CELF2: variants seen among roughly 807,000 people sequenced by gnomAD.
The protein encoded by CELF2 is CUGBP Elav-like family member 2.
Under a neutral mutation model 62.6 loss-of-function variants are expected in CELF2, and 8 were observed. That is an observed-to-expected ratio of 0.13 (90% CI 0.07 to 0.23). The LOEUF (loss-of-function observed/expected upper bound fraction) is 0.23, where lower values mean the gene tolerates loss of function less well. CELF2 is among the 10% of genes least tolerant of loss of function. The pLI, the probability that CELF2 is intolerant of heterozygous loss-of-function variation, is 1.00. For missense variants in CELF2, 333 were observed against 671.0 expected, an observed-to-expected ratio of 0.50 and a Z score of 5.56; for synonymous variants, 258 against 250.0, an observed-to-expected ratio of 1.03 and a Z score of -0.30.
the CELF2 span, among the ~76,000 whole-genome samples, chr10:10,475,562 C>T: frequency 1.9e-3 from 288 of 151,790 alleles, 3 homozygotes; most frequent in African/African-American, 6.6e-3. Context: ...TATTCAATTA[C>T]ATAATTTGAG....
chr10:10,751,650 A>G, the CELF2 span, among the ~76,000 whole-genome samples: 1 of 152,184 alleles, frequency 6.6e-6, no homozygotes, highest in Admixed American at 6.5e-5. Flanking sequence ...TGTAAATTCC[A>G]TGACTAAGCT....
At chr10:10,496,909 G>A in the CELF2 span, among the ~76,000 whole-genome samples, 2 of 152,128 alleles carry the variant, frequency 1.3e-5, no homozygotes, top group Non-Finnish European at 2.9e-5. Context: ...AAGATGACCA[G>A]CTAGGCAAAG....
chr10:10,475,476 C>CAAAAAAA, the CELF2 span, among the ~76,000 whole-genome samples: 1 of 143,562 alleles, frequency 7.0e-6, no homozygotes, highest in Non-Finnish European at 1.5e-5. Flanking sequence ...CTTGGCCACT[C>CAAAAAAA]AAAAAAAAAA....
chr10:11,188,023 C>T (rs1488871353), intron 2 of CELF2, among the ~76,000 whole-genome samples: 5 of 152,176 alleles, frequency 3.3e-5, no homozygotes, highest in Non-Finnish European at 7.4e-5. Context: ...GGCAGCCAAT[C>T]ATCTGGTGGT....
intron 1 of CELF2, among the ~76,000 whole-genome samples, chr10:10,909,291 G>A (rs778594497): frequency 3.9e-5 from 6 of 152,188 alleles, no homozygotes; most frequent in Non-Finnish European, 8.8e-5. Flanking sequence ...GGCAAGAGAG[G>A]CTGTGTCCTT....
intron 1 of CELF2, among the ~76,000 whole-genome samples, chr10:10,810,172 G>T (rs917919811): frequency 5.3e-5 from 8 of 152,168 alleles, no homozygotes; most frequent in African/African-American, 1.9e-4. Context: ...AGAAACCTAT[G>T]GCTTTCATTT....
the CELF2 span, among the ~76,000 whole-genome samples, chr10:10,558,284 T>A: frequency 1.3e-5 from 2 of 151,982 alleles, no homozygotes; most frequent in South Asian, 4.1e-4. Flanking sequence ...CTGCATCTAT[T>A]GAGATAATCA....
At chr10:11,210,020 T>A (rs1175887504) in intron 2 of CELF2, among the ~76,000 whole-genome samples, 1 of 152,092 alleles carries the variant, frequency 6.6e-6, no homozygotes, top group South Asian at 2.1e-4. Flanking sequence ...GAAAAAAAAA[T>A]AGCGGGTTCA....
At chr10:10,755,138 A>G in the CELF2 span, among the ~76,000 whole-genome samples, 6 of 152,254 alleles carry the variant, frequency 3.9e-5, no homozygotes, top group East Asian at 1.9e-4. Flanking sequence ...GCAGGTTTGT[A>G]ATCTCAAAAT....
chr10:11,005,467 A>C lies in CELF2; in HGVS notation c.53+27A>C. On this transcript the variant is annotated intron_variant, in intron 1 of 12. Coordinates refer to the CELF2 transcript ENST00000416382. The surrounding 1 kb of genome is among the most constrained non-coding windows in gnomAD (Gnocchi z 4.3). The stretch of plus-strand genomic sequence containing the variant: ...TATGTTGTTGTGTCCTTTGTTTTTA[A>C]TGCACGCTTTTCTAGTTTCTAGAGC... 2 of 1,613,838 alleles carry C rather than the reference A, an allele frequency of 1.2e-6. No homozygotes were observed. The highest frequency in any genetic ancestry group is 1.7e-6 in the Non-Finnish European group (2 of 1,179,794).
At position 11,220,335 on chromosome 10, in the gene CELF2, CTG is replaced by C. The variant is rs1465986711; in HGVS notation, c.354+2830_354+2831del. 6.6e-6 allele frequency among the ~76,000 whole-genome samples: 1 copy of C among 152,178 alleles called. No homozygotes were observed. The highest frequency in any genetic ancestry group is 1.5e-5 in the Non-Finnish European group (1 of 68,020). ...ATTGATGTTTGGAGTTTGCTTTCCT[CTG>C]TATGCGCCATCTTTCTTTCTTGAGG... is the stretch of plus-strand genomic sequence containing the variant. On this transcript the variant is annotated intron_variant, in intron 3 of 12. Transcript: ENST00000633077. This position sits in a 1 kb window ranked among gnomAD's most constrained non-coding sequence, Gnocchi z 4.4.
chr10:10,684,481 G>A, the CELF2 span, among the ~76,000 whole-genome samples: 5 of 152,126 alleles, frequency 3.3e-5, no homozygotes, highest in South Asian at 2.1e-4. Context: ...AGTGGCTCAC[G>A]CCTGTAATCC....
intron 1 of CELF2, among the ~76,000 whole-genome samples, chr10:10,821,905 T>G (rs1238763677): frequency 6.6e-6 from 1 of 152,160 alleles, no homozygotes; most frequent in Non-Finnish European, 1.5e-5. Flanking sequence ...CCTCCCAAAG[T>G]GCTGGGAGCC....
intron 1 of CELF2, among the ~76,000 whole-genome samples, chr10:10,874,021 A>T (rs1027187771): frequency 6.6e-6 from 1 of 152,164 alleles, no homozygotes; most frequent in Non-Finnish European, 1.5e-5. Context: ...ATATATTAAA[A>T]TGATTCTGGC....
At chr10:11,044,251 T>C (rs1358563697) in intron 1 of CELF2, among the ~76,000 whole-genome samples, 1 of 152,246 alleles carries the variant, frequency 6.6e-6, no homozygotes, top group Admixed American at 6.5e-5. Context: ...CCGTATTGTC[T>C]ACTGGGATGG....
At chr10:10,817,466 AC>A (rs1590745307) in intron 1 of CELF2, among the ~76,000 whole-genome samples, 1 of 151,698 alleles carries the variant, frequency 6.6e-6, no homozygotes, top group African/African-American at 2.4e-5. Context: ...GCTTCCCCCA[AC>A]CCCCGCATTA....
At chr10:10,665,865 A>T in the CELF2 span, among the ~76,000 whole-genome samples, 1 of 152,214 alleles carries the variant, frequency 6.6e-6, no homozygotes, top group Admixed American at 6.5e-5. Flanking sequence ...ATATTCTACA[A>T]AAACTACTCT....
the CELF2 span, among the ~76,000 whole-genome samples, chr10:10,791,315 T>C: frequency 7.1e-6 from 1 of 141,566 alleles, no homozygotes; most frequent in Non-Finnish European, 1.5e-5. Context: ...CTCTTTAATG[T>C]GGCAAAAAAA....
At chr10:10,528,052 T>C in the CELF2 span, among the ~76,000 whole-genome samples, 13 of 152,228 alleles carry the variant, frequency 8.5e-5, no homozygotes, top group Non-Finnish European at 1.8e-4. Context: ...AGCCCAGGCC[T>C]GCAGATGTCT....
Sources: allele counts gnomAD v4.1 joint callset (sites outside exome capture counted in the v4.1 genomes callset), GRCh38; gene constraint gnomAD v4.1.1; non-coding constraint Gnocchi (gnomAD v3.1); transcripts MANE v1.5; gene names NCBI Gene and HGNC (gene_info 2026-07-23, HGNC 2026-07-21).